RALGAPB: variants seen among roughly 807,000 people sequenced by gnomAD.
The protein encoded by RALGAPB is Ral GTPase activating protein non-catalytic subunit beta, also known as ral GTPase-activating protein subunit beta.
A neutral mutation model predicts 161.1 loss-of-function variants in RALGAPB; 25 were observed. That is an observed-to-expected ratio of 0.16 (90% CI 0.11 to 0.22). The LOEUF is 0.22. Ranked by LOEUF, RALGAPB falls within the 10% of genes least tolerant of loss-of-function variation. The probability of loss-of-function intolerance (pLI) is 1.00; values close to 1 mark genes in which losing one functional copy is unlikely to be tolerated. For missense variants in RALGAPB, 1,391 were observed against 1,815.2 expected (o/e 0.77, Z 4.25); for synonymous variants, 629 against 626.1 (o/e 1.00, Z -0.07).
chr20:38,573,790 G>C (rs1346753453), intron 28 of RALGAPB: 1 of 156,192 alleles, frequency 6.4e-6, no homozygotes, highest in Non-Finnish European at 1.4e-5. Context: ...AGGAACTAAA[G>C]TGAAAGTCCC....
chr20:38,521,525 T>G lies in RALGAPB; in HGVS notation c.1446T>G (p.Phe482Leu). ...TAITTQASME[F>L]RRKGSQMSTD... ...TTACAACACAAGCTAGCATGGAGTT[T>G]CGACGGAAAGGGTCACAAATGTCCA... is the stretch of plus-strand genomic sequence containing the variant. The change falls in exon 10 of 30, where the codon TTT (phenylalanine) becomes TTG (leucine). Residue 482 changes from phenylalanine to leucine, a missense_variant. Transcript: ENST00000262879. 1 of 1,614,142 alleles carries G rather than the reference T, an allele frequency of 6.2e-7. No homozygotes were observed.
At chr20:38,540,369 T>C (rs2086930029) in intron 17 of RALGAPB, among the ~76,000 whole-genome samples, 2 of 152,208 alleles carry the variant, frequency 1.3e-5, no homozygotes, top group Admixed American at 1.3e-4. Context: ...TGTTACTCCA[T>C]ACTCATTTCT....
intron 4 of RALGAPB, 119 bp from the exon 5 acceptor site, chr20:38,499,328 A>G: frequency 1.1e-6 from 1 of 940,880 alleles, no homozygotes; most frequent in Non-Finnish European, 1.6e-6. Flanking sequence ...ATTATTTGAA[A>G]GTCAAAACTT....
At chr20:38,550,988 A>T (rs1422197570) in intron 20 of RALGAPB, 83 bp from the exon 21 acceptor site, 3 of 1,461,472 alleles carry the variant, frequency 2.1e-6, no homozygotes, top group South Asian at 1.3e-5. Context: ...AAACACAGGC[A>T]TCTAAGAGAC....
At chr20:38,531,964 AAACT>A (rs1225374729) in intron 14 of RALGAPB, among the ~76,000 whole-genome samples, 1 of 152,242 alleles carries the variant, frequency 6.6e-6, no homozygotes, top group East Asian at 1.9e-4. Context: ...ACGGGAGTTA[AAACT>A]AACCCTAGTA....
rs149468222 is a variant in RALGAPB, at chr20:38,474,755, G to A, written c.-31+1686G>A. ...AGTTCTATCCCTACTTCTAGATTAT[G>A]AGAAGCTTTAGGGCAGGGACTATGT... is the stretch of plus-strand genomic sequence containing the variant. On this transcript the variant is annotated intron_variant, in intron 1 of 29. Coordinates refer to ENST00000262879, the MANE Select transcript of RALGAPB (RefSeq NM_020336.4). Among the ~76,000 whole-genome samples, 181 of 152,302 alleles carry A rather than the reference G, an allele frequency of 1.2e-3. 1 individual carries two copies. The highest frequency in any genetic ancestry group is 4.0e-3 in the African/African-American group (168 of 41,560).
intron 6 of RALGAPB, among the ~76,000 whole-genome samples, chr20:38,511,900 G>T (rs1366364089): frequency 1.3e-5 from 2 of 152,076 alleles, no homozygotes; most frequent in Non-Finnish European, 2.9e-5. Context: ...TTCCCAGACG[G>T]GGCGGCCGGG....
At chr20:38,521,788 G>T in intron 10 of RALGAPB, 90 bp downstream of exon 10, 2 of 1,310,172 alleles carry the variant, frequency 1.5e-6, no homozygotes, top group Non-Finnish European at 2.1e-6. Flanking sequence ...AGTGATGTTG[G>T]TCTGAAATAC....
At chr20:38,549,728 T>G (rs1278693449) in intron 20 of RALGAPB, among the ~76,000 whole-genome samples, 1 of 152,070 alleles carries the variant, frequency 6.6e-6, no homozygotes, top group Non-Finnish European at 1.5e-5. Context: ...TTAAATCACC[T>G]TTACTCACTA....
Position 38,539,818 on chromosome 20 carries a change from A to G in RALGAPB, c.2422A>G (p.Ser808Gly). The change falls in exon 17 of 30, where the codon AGT becomes GGT. Residue 808 changes from serine to glycine, a missense_variant. By Grantham distance (56) the Ser-to-Gly change is moderately conservative (BLOSUM62 0). Coordinates refer to ENST00000262879, the MANE Select transcript of RALGAPB (RefSeq NM_020336.4). ...CTCAGGAGACCGGAAGCGAGCCATC[A>G]GTTCTGTGTGCACCTACATTGTTTA... ...VDSGDRKRAI[S>G]SVCTYIVYQC... The G allele has an allele frequency of 5.6e-6, 9 of 1,614,028 alleles. No homozygotes were observed. Among genetic ancestry groups the G allele is most frequent in the Non-Finnish European group, 7.6e-6 (9 of 1,179,930 alleles).
Position 38,524,831 on chromosome 20 carries a change from C to T in RALGAPB, c.1673C>T (p.Pro558Leu). The change falls in exon 11 of 30, where the codon CCT becomes CTT. Residue 558 changes from proline to leucine, a missense_variant. Pro to Leu is a moderately conservative substitution (Grantham distance 98, BLOSUM62 -3). Around this residue, in one of 3 missense-constraint regions of RALGAPB, gnomAD observed 946 missense variants for 1,257.2 expected, o/e 0.75. Coordinates refer to ENST00000262879, the MANE Select transcript of RALGAPB (RefSeq NM_020336.4). ...GLQINDYVCH[P>L]VLASVILNSP... ...CAGATAAATGATTATGTGTGCCATC[C>T]TGTCTTGGCCAGCGTTATTCTAAAC... 1 of 1,607,748 alleles carries T rather than the reference C, an allele frequency of 6.2e-7. No homozygotes were observed. Among genetic ancestry groups the T allele is most frequent in the Non-Finnish European group, 8.5e-7 (1 of 1,174,228 alleles).
Position 38,541,103 on chromosome 20 carries a change from C to T in RALGAPB, c.2625C>T (p.Asn875=). Residue 875 remains asparagine (N), a synonymous_variant, in exon 18 of 30, where the codon AAC becomes AAT. Transcript: ENST00000262879. ...ELGISGSKSK[N]NEQEVKYKGD... ...GTATCTCAGGAAGTAAGTCCAAGAA[C>T]AATGAGCAAGAGGTCAAGTACAAAG... 6.2e-7 allele frequency: 1 copy of T among 1,614,022 alleles called. No individual in the cohort carries two copies. Among genetic ancestry groups the T allele is most frequent in the Non-Finnish European group, 8.5e-7 (1 of 1,179,984 alleles).
intron 18 of RALGAPB, 128 bp from the exon 19 acceptor site, chr20:38,546,115 C>G: frequency 6.7e-7 from 1 of 1,499,934 alleles, no homozygotes; most frequent in South Asian, 1.3e-5. Flanking sequence ...AGGAGTAAAT[C>G]TGACCTGTCA....
In RALGAPB at chr20:38,575,286, A is replaced by G; in HGVS notation, c.*319A>G. 1 of 235,272 alleles carries G rather than the reference A, an allele frequency of 4.3e-6. No individual in the cohort carries two copies. Among genetic ancestry groups the G allele is most frequent in the Non-Finnish European group, 8.3e-6 (1 of 120,232 alleles). 14.6% of individuals were successfully genotyped at this position (235,272 alleles called of 1,614,324 possible). A position where few individuals can be genotyped will look rare whatever the true frequency, so the allele number is the denominator to read the frequency against. On this transcript the variant is annotated 3_prime_UTR_variant, in exon 30 of 30. Transcript: ENST00000262879. Reference sequence around the variant, plus strand: ...AGGCTTTTATGCATCTCAGTTAAACACGTGCATTGGTAGTATCAACAAATT... The same window carrying G: ...AGGCTTTTATGCATCTCAGTTAAACGCGTGCATTGGTAGTATCAACAAATT...
chr20:38,502,933 G>A (rs769208803), intron 5 of RALGAPB, among the ~76,000 whole-genome samples: 1 of 152,116 alleles, frequency 6.6e-6, no homozygotes, highest in African/African-American at 2.4e-5. Context: ...TTAAAGAGGG[G>A]GTCTTGCTGT....
chr20:38,532,832 C>A lies in RALGAPB; in HGVS notation c.2218C>A (p.Pro740Thr), dbSNP rs761718393. The A allele has an allele frequency of 8.1e-6, 13 of 1,614,122 alleles. No individual in the cohort carries two copies. The highest frequency in any genetic ancestry group is 4.5e-5 in the East Asian group (2 of 44,874). Reference protein sequence around the residue: ...TEPTTPDSERPAQALLRDYAL... With the variant: ...TEPTTPDSERTAQALLRDYAL... Reference sequence around the variant, plus strand: ...GCCCACGACTCCCGATAGTGAGAGACCTGCTCAAGCTCTCTTAAGAGATTA... The same window carrying A: ...GCCCACGACTCCCGATAGTGAGAGAACTGCTCAAGCTCTCTTAAGAGATTA... The change falls in exon 15 of 30, where the codon CCT becomes ACT. Residue 740 changes from proline (P) to threonine (T), a missense_variant. By Grantham distance (38) the Pro-to-Thr change is conservative. Transcript: ENST00000262879.
Position 38,516,310 on chromosome 20 carries a change from C to T in RALGAPB, c.991C>T (p.Leu331=). 1.2e-6 allele frequency: 2 copies of T among 1,614,122 alleles called. No individual in the cohort carries two copies. Among genetic ancestry groups the T allele is most frequent in the Non-Finnish European group, 1.7e-6 (2 of 1,179,986 alleles). ...GAATCAGTATCCCTGCCTTAAACAT[C>T]TGCCTCAAATATTTTTTCGTGCCAT... The part of the protein sequence containing the change: ...ELNQYPCLKH[L]PQIFFRAMRG... Residue 331 remains leucine, a synonymous_variant, in exon 7 of 30, where the codon CTG becomes TTG. Coordinates refer to ENST00000262879, the MANE Select transcript of RALGAPB (RefSeq NM_020336.4).
intron 1 of RALGAPB, among the ~76,000 whole-genome samples, chr20:38,483,644 C>T (rs890300218): frequency 6.6e-6 from 1 of 152,156 alleles, no homozygotes; most frequent in Non-Finnish European, 1.5e-5. Context: ...AGGTGCCTTA[C>T]AAGTGTGCCA....
chr20:38,493,184 C>A, intron 3 of RALGAPB, 52 bp downstream of exon 3: 1 of 1,422,092 alleles, frequency 7.0e-7, no homozygotes, highest in South Asian at 1.2e-5. Context: ...GTAAAATATT[C>A]ATAAACGTTA....
Sources: allele counts gnomAD v4.1 joint callset (sites outside exome capture counted in the v4.1 genomes callset), GRCh38; gene constraint gnomAD v4.1.1; regional missense constraint gnomAD v4.1.1; transcripts MANE v1.5; gene names NCBI Gene and HGNC (gene_info 2026-07-23, HGNC 2026-07-21).